TUBE1: variants seen among roughly 807,000 people sequenced by gnomAD.
TUBE1 encodes tubulin epsilon chain.
In TUBE1, 34 loss-of-function variants were observed where a neutral mutation model predicts 53.5. That is an observed-to-expected ratio of 0.64 (90% CI 0.48 to 0.85). The LOEUF (loss-of-function observed/expected upper bound fraction) is 0.85, where lower values mean the gene tolerates loss of function less well. TUBE1 is among the 40% of genes least tolerant of loss of function. The pLI is 0.00. For missense variants in TUBE1, 532 were observed against 570.5 expected, an observed-to-expected ratio of 0.93 and a Z score of 0.69; for synonymous variants, 177 against 198.4, an observed-to-expected ratio of 0.89 and a Z score of 0.91.
chr6:112,083,752 T>C (rs1005879392), intron 4 of TUBE1, among the ~76,000 whole-genome samples: 13 of 152,178 alleles, frequency 8.5e-5, no homozygotes, highest in Non-Finnish European at 1.5e-5. Flanking sequence ...ACTGTAAATA[T>C]GGGCTAAGAA....
intron 11 of TUBE1, 121 bp downstream of exon 11, chr6:112,071,781 T>C (rs1458738509): frequency 9.5e-7 from 1 of 1,048,490 alleles, no homozygotes; most frequent in Non-Finnish European, 1.3e-6. Flanking sequence ...TCTTCAGTTA[T>C]AATCAGTACA....
intron 9 of TUBE1, among the ~76,000 whole-genome samples, chr6:112,074,003 G>A (rs375958622): frequency 1.7e-3 from 258 of 152,234 alleles, no homozygotes; most frequent in Non-Finnish European, 1.7e-3. Context: ...TCCTTTCAAA[G>A]TGTTGGAATT....
At chr6:112,081,286 CTGAA>C in intron 4 of TUBE1, 79 bp from the exon 5 acceptor site, 1 of 697,266 alleles carries the variant, frequency 1.4e-6, no homozygotes. Flanking sequence ...AATTTATGCG[CTGAA>C]TATTGCACTG....
chr6:112,077,874 G>C (rs1363216557), intron 6 of TUBE1: 1 of 151,930 alleles, frequency 6.6e-6, no homozygotes, highest in African/African-American at 2.4e-5. Context: ...ATGATGGGAA[G>C]GACTAAGTTT....
chr6:112,087,321 GAGGA>G lies in TUBE1; in HGVS notation c.26-19_26-16del. On this transcript the variant is annotated splice_polypyrimidine_tract_variant and intron_variant, in intron 1 of 11. Transcript: ENST00000368662. ...GCACTGGCCGACTGCGACCGGAGGA[GAGGA>G]AGGAAAGAGAATAGGACATTAAGCA... The G allele has an allele frequency of 6.4e-7, 1 of 1,552,152 alleles. No individual in the cohort carries two copies. Among genetic ancestry groups the G allele is most frequent in the Non-Finnish European group, 8.7e-7 (1 of 1,147,250 alleles).
Position 112,076,403 on chromosome 6 carries a change from G to A in TUBE1, c.555C>T (p.Val185=), listed in dbSNP as rs781800794. The change falls in exon 7 of 12, where the codon GTC becomes GTT. Residue 185 remains valine (V), a synonymous_variant. Coordinates refer to ENST00000368662, the MANE Select transcript of TUBE1 (RefSeq NM_016262.5). ...TSIYPSGEDD[V]ITSPYNSILA... is the part of the protein sequence containing the mutation. ...AGATGCTATTATAAGGTGAGGTTAT[G>A]ACATCATCCTCACCAGAAGGATAAA... 2 of 1,613,276 alleles carry A rather than the reference G, an allele frequency of 1.2e-6. No individual in the cohort carries two copies. Among genetic ancestry groups the A allele is most frequent in the Non-Finnish European group, 1.7e-6 (2 of 1,179,536 alleles).
At chr6:112,081,973 C>G (rs1290998285) in intron 4 of TUBE1, among the ~76,000 whole-genome samples, 1 of 151,880 alleles carries the variant, frequency 6.6e-6, no homozygotes, top group Non-Finnish European at 1.5e-5. Context: ...ATAAAAAAAG[C>G]AAAGCTGAAA....
chr6:112,087,285 A>G lies in TUBE1; in HGVS notation c.47T>C (p.Ile16Thr), dbSNP rs782081058. 3 of 1,552,486 alleles carry G rather than the reference A, an allele frequency of 1.9e-6. No homozygotes were observed. In the South Asian group the frequency reaches 3.6e-5, roughly 18 times the overall value. Reference sequence around the variant, plus strand: ...TGCCAGGTCCCAGAAGCAGCAGCCGATCTGGTTTCCGCACTGGCCGACTGC... The same window carrying G: ...TGCCAGGTCCCAGAAGCAGCAGCCGGTCTGGTTTCCGCACTGGCCGACTGC... ...VVQVGQCGNQ[I>T]GCCFWDLALR... The change falls in exon 2 of 12, where the codon ATC becomes ACC. Residue 16 changes from isoleucine (I) to threonine (T), a missense_variant. Ile to Thr is a moderately conservative substitution (Grantham distance 89). Transcript: ENST00000368662.
intron 7 of TUBE1, 63 bp from the exon 8 acceptor site, chr6:112,076,175 C>T (rs1776964455): frequency 6.6e-7 from 1 of 1,505,260 alleles, no homozygotes. Flanking sequence ...TGATATTCTA[C>T]TAGGAAAGAG....
Position 112,075,990 on chromosome 6 carries a change from C to T in TUBE1, c.759G>A (p.Lys253=). 4.3e-6 allele frequency: 7 copies of T among 1,613,838 alleles called. No homozygotes were observed. Among genetic ancestry groups the T allele is most frequent in the Non-Finnish European group, 5.9e-6 (7 of 1,179,854 alleles). ...SSGALKKQHK[K]PFDAMNNIVA... is the part of the protein sequence containing the mutation. ...CAATGTTATTCATTGCATCAAAGGG[C>T]TTCTTATGCTGCTTTTTTAAAGCCC... Residue 253 remains lysine, a synonymous_variant, in exon 8 of 12, where the codon AAG becomes AAA. Coordinates refer to ENST00000368662, the MANE Select transcript of TUBE1 (RefSeq NM_016262.5).
rs1238647169 is a variant in TUBE1, at chr6:112,076,392, G to A, written c.566C>T (p.Pro189Leu). The A allele has an allele frequency of 1.2e-6, 2 of 1,612,760 alleles. No homozygotes were observed. The highest frequency in any genetic ancestry group is 1.3e-5 in the African/African-American group (1 of 74,836). Residue 189 changes from proline (P) to leucine (L), a missense_variant, in exon 7 of 12, where the codon CCT becomes CTT. Physicochemically the swap from Pro to Leu is moderately conservative, Grantham distance 98 (BLOSUM62 -3). Coordinates refer to ENST00000368662, the MANE Select transcript of TUBE1 (RefSeq NM_016262.5). ...PSGEDDVITS[P>L]YNSILAMKEL... ...CTTCATTGCCAAGATGCTATTATAAGGTGAGGTTATGACATCATCCTCACC... is the reference window on the plus strand; with the variant it reads ...CTTCATTGCCAAGATGCTATTATAAAGTGAGGTTATGACATCATCCTCACC...
chr6:112,071,660 T>A, intron 11 of TUBE1, 90 bp from the exon 12 acceptor site: 1 of 1,130,632 alleles, frequency 8.8e-7, no homozygotes, highest in Non-Finnish European at 1.2e-6. Flanking sequence ...TTATTAAAAT[T>A]AGAGTTCATT....
chr6:112,075,922 C>A lies in TUBE1; in HGVS notation c.812+15G>T. 1 of 1,583,312 alleles carries A rather than the reference C, an allele frequency of 6.3e-7. No individual in the cohort carries two copies. The highest frequency in any genetic ancestry group is 8.6e-7 in the Non-Finnish European group (1 of 1,163,474). Reference sequence around the variant, plus strand: ...AGCACAATAAAGTTTTTTGACTATCCCTGGATAGAATTACCTCGTTAGGTT... The same window carrying A: ...AGCACAATAAAGTTTTTTGACTATCACTGGATAGAATTACCTCGTTAGGTT... On this transcript the variant is annotated intron_variant, in intron 8 of 11. Transcript: ENST00000368662.
At chr6:112,083,418 A>C (rs908062386) in intron 4 of TUBE1, among the ~76,000 whole-genome samples, 4 of 148,986 alleles carry the variant, frequency 2.7e-5, no homozygotes, top group African/African-American at 1.0e-4. Context: ...CCCGGGGTTC[A>C]CGCCATTTTC....
At chr6:112,081,033 G>T in intron 5 of TUBE1, 59 bp downstream of exon 5, 1 of 1,091,660 alleles carries the variant, frequency 9.2e-7, no homozygotes. Flanking sequence ...ATCTCACAAT[G>T]AAGAAAGATT....
Position 112,072,833 on chromosome 6 carries a change from T to G in TUBE1, c.1019A>C (p.His340Pro). Residue 340 changes from histidine to proline, a missense_variant, in exon 10 of 12, where the codon CAC (histidine) becomes CCC (proline). His to Pro is a moderately conservative substitution (Grantham distance 77, BLOSUM62 -2). Coordinates refer to ENST00000368662, the MANE Select transcript of TUBE1 (RefSeq NM_016262.5). ...GAGTGCACAGGCGAGGTAAAGACTG[T>G]GTTTGGGGTCTGCCCGAAGCAGCTG... ...DHQLLRADPK[H>P]SLYLACALMV... 1 of 1,613,722 alleles carries G rather than the reference T, an allele frequency of 6.2e-7. No homozygotes were observed.
chr6:112,079,568 G>A lies in TUBE1; in HGVS notation c.448+65C>T, dbSNP rs139386660. 10,467 of 1,555,356 alleles carry A rather than the reference G, an allele frequency of 6.7e-3. 70 individuals carry two copies. The highest frequency in any genetic ancestry group is 0.026 in the African/African-American group (1,870 of 72,656). On this transcript the variant is annotated intron_variant, in intron 6 of 11. Transcript: ENST00000368662. Reference sequence around the variant, plus strand: ...GCACAGGTCTAAAAACAAGACTTACGTTTGCAAAATGAATTCCCACTTATC... The same window carrying A: ...GCACAGGTCTAAAAACAAGACTTACATTTGCAAAATGAATTCCCACTTATC...
At chr6:112,083,270 T>A (rs1315544850) in intron 4 of TUBE1, among the ~76,000 whole-genome samples, 1 of 151,728 alleles carries the variant, frequency 6.6e-6, no homozygotes, top group African/African-American at 2.4e-5. Context: ...CACCAGTCTT[T>A]AAGCTACTAC....
At chr6:112,072,136 TA>T in intron 10 of TUBE1, 60 bp from the exon 11 acceptor site, 10 of 1,328,396 alleles carry the variant, frequency 7.5e-6, no homozygotes, top group Non-Finnish European at 1.0e-5. Context: ...ATGTCTGCCA[TA>T]TAATGGCAGC....
Sources: gnomAD v4.1 joint callset for allele counts (sites outside exome capture counted in the v4.1 genomes callset) on GRCh38, gnomAD v4.1.1 for gene constraint, MANE v1.5 for transcripts, NCBI Gene and HGNC (gene_info 2026-07-23, HGNC 2026-07-21) for gene names.